The following RXFP1 variants were observed in gnomAD, a reference collection of about 807,000 sequenced individuals.
The protein encoded by RXFP1 is relaxin family peptide receptor 1.
A neutral mutation model predicts 89.8 loss-of-function variants in RXFP1; 73 were observed. The observed-to-expected ratio is 0.81, with a 90% CI of 0.67 to 0.99. The LOEUF is 0.99. Ranked by LOEUF, RXFP1 falls within the 50% of genes least tolerant of loss-of-function variation. The probability of loss-of-function intolerance (pLI) is 0.00; values close to 1 mark genes in which losing one functional copy is unlikely to be tolerated. For missense variants in RXFP1, 793 were observed against 895.5 expected, an observed-to-expected ratio of 0.89 and a Z score of 1.46; for synonymous variants, 277 against 305.5, an observed-to-expected ratio of 0.91 and a Z score of 0.97.
At chr4:158,556,060 A>G (rs1271690769) in intron 1 of RXFP1, among the ~76,000 whole-genome samples, 4 of 152,198 alleles carry the variant, frequency 2.6e-5, no homozygotes, top group African/African-American at 9.6e-5. Flanking sequence ...TACAGGCAAC[A>G]AAAGCAAAAA....
At position 158,651,965 on chromosome 4, in the gene RXFP1, G is replaced by A. The variant is rs1244257483; in HGVS notation, c.2184G>A (p.Met728Ile). The A allele has an allele frequency of 6.2e-7, 1 of 1,614,096 alleles. No individual in the cohort carries two copies. Among genetic ancestry groups the A allele is most frequent in the East Asian group, 2.2e-5 (1 of 44,884 alleles). Residue 728 changes from methionine (M) to isoleucine (I), a missense_variant, in exon 18 of 18, where the codon ATG becomes ATA. Met to Ile is a conservative substitution (Grantham distance 10). Coordinates refer to ENST00000307765, the MANE Select transcript of RXFP1 (RefSeq NM_021634.4). ...IWVEMWPLQE[M>I]PPELMKPDLF... ...TGGAAATGTGGCCACTGCAGGAGAT[G>A]CCACCTGAGTTAATGAAGCCGGACC...
At chr4:158,567,220 C>G (rs373711060) in intron 1 of RXFP1, among the ~76,000 whole-genome samples, 1 of 152,168 alleles carries the variant, frequency 6.6e-6, no homozygotes, top group East Asian at 1.9e-4. Context: ...GGAGCCTCCC[C>G]GACGACCATG....
chr4:158,651,654 T>C (rs1312604351), intron 17 of RXFP1, 103 bp from the exon 18 acceptor site: 14 of 858,080 alleles, frequency 1.6e-5, no homozygotes, highest in Non-Finnish European at 2.4e-5. Context: ...AGGAAAAAAA[T>C]CAAAACTCAA....
intron 9 of RXFP1, among the ~76,000 whole-genome samples, chr4:158,624,848 G>T (rs1227487616): frequency 1.3e-5 from 2 of 151,926 alleles, no homozygotes; most frequent in Non-Finnish European, 2.9e-5. Flanking sequence ...TAACACAGGA[G>T]GGGGGAAAAA....
intron 9 of RXFP1, among the ~76,000 whole-genome samples, chr4:158,622,510 G>A (rs1444106079): frequency 6.6e-6 from 1 of 152,102 alleles, no homozygotes; most frequent in Non-Finnish European, 1.5e-5. Context: ...AAATGTGGTA[G>A]ATATATACAA....
At chr4:158,602,745 T>A (rs1395343638) in intron 4 of RXFP1, among the ~76,000 whole-genome samples, 2 of 152,114 alleles carry the variant, frequency 1.3e-5, no homozygotes, top group Non-Finnish European at 2.9e-5. Context: ...AGATAATGAA[T>A]GAATGAATGA....
Position 158,544,877 on chromosome 4 carries a change from T to G in RXFP1, c.49+22852T>G, listed in dbSNP as rs548106513. The stretch of plus-strand genomic sequence containing the variant: ...GGACATTTGGGTTGATTCCAAGTCC[T>G]TGCTATTGTGAATAGTGCCGCAATA... On this transcript the variant is annotated intron_variant, in intron 1 of 17. Coordinates refer to ENST00000307765, the MANE Select transcript of RXFP1 (RefSeq NM_021634.4). Among the ~76,000 whole-genome samples the G allele has an allele frequency of 3.9e-5, 6 of 152,366 alleles. No homozygotes were observed. In the South Asian group the frequency reaches 1.0e-3, roughly 26 times the overall value.
chr4:158,608,106 A>G (rs1403537079), intron 6 of RXFP1, 63 bp downstream of exon 6: 3 of 1,080,786 alleles, frequency 2.8e-6, no homozygotes, highest in Admixed American at 2.0e-5. Flanking sequence ...GACTATTCCA[A>G]TCCAGACCAG....
At position 158,647,221 on chromosome 4, in the gene RXFP1, A is replaced by G. The variant is rs538008963; in HGVS notation, c.1756+20A>G. The G allele has an allele frequency of 1.3e-4, 191 of 1,523,642 alleles. 1 individual carries two copies. The highest frequency in any genetic ancestry group is 7.2e-4 in the Middle Eastern group (4 of 5,540). The allele number at this position is 1,523,642 out of a possible 1,614,324, so 94.4% of individuals were successfully genotyped here. A position where few individuals can be genotyped will look rare whatever the true frequency, so the allele number is the denominator to read the frequency against. On this transcript the variant is annotated intron_variant, in intron 16 of 17. Transcript: ENST00000307765. ...TTCTTGGTAAGAAACTAAGAAACTA[A>G]TGTTCACAAATTTTTATTTCAAATC...
At chr4:158,528,312 G>C (rs1415222860) in intron 1 of RXFP1, among the ~76,000 whole-genome samples, 1 of 151,024 alleles carries the variant, frequency 6.6e-6, no homozygotes, top group African/African-American at 2.4e-5. Context: ...CCAGCCTGGG[G>C]GGGCAACATG....
intron 17 of RXFP1, among the ~76,000 whole-genome samples, chr4:158,651,040 C>T (rs1458585406): frequency 2.0e-5 from 3 of 152,176 alleles, no homozygotes; most frequent in Non-Finnish European, 4.4e-5. Context: ...ACAAGGATCG[C>T]TTGGGCCCAG....
chr4:158,601,448 T>C (rs1482925916), intron 4 of RXFP1, among the ~76,000 whole-genome samples: 1 of 152,222 alleles, frequency 6.6e-6, no homozygotes, highest in African/African-American at 2.4e-5. Flanking sequence ...CATTTGGAGA[T>C]ATAGGAATAA....
At chr4:158,532,028 C>T (rs1221701412) in intron 1 of RXFP1, among the ~76,000 whole-genome samples, 1 of 152,054 alleles carries the variant, frequency 6.6e-6, no homozygotes, top group Non-Finnish European at 1.5e-5. Flanking sequence ...CTAATGATCC[C>T]GTCACCCAAG....
intron 2 of RXFP1, among the ~76,000 whole-genome samples, chr4:158,584,043 G>A (rs1311627251): frequency 6.6e-6 from 1 of 152,180 alleles, no homozygotes; most frequent in Admixed American, 6.5e-5. Context: ...CTCTGCTCTT[G>A]TGGGTAATAA....
chr4:158,613,062 A>G (rs1444247586), intron 8 of RXFP1, among the ~76,000 whole-genome samples: 1 of 152,244 alleles, frequency 6.6e-6, no homozygotes, highest in Non-Finnish European at 1.5e-5. Context: ...TAATAAAGTT[A>G]TGTTTACACT....
chr4:158,633,521 AT>A (rs1768524176), intron 12 of RXFP1, 45 bp downstream of exon 12: 2 of 1,230,570 alleles, frequency 1.6e-6, no homozygotes, highest in Non-Finnish European at 1.2e-6. Flanking sequence ...TTATTTTATT[AT>A]TTTTTAAATT....
intron 1 of RXFP1, chr4:158,544,388 G>A (rs939632224): frequency 1.2e-5 from 12 of 983,020 alleles, no homozygotes; most frequent in African/African-American, 7.0e-5. Flanking sequence ...CACCCAGAAT[G>A]GACATGGTCA....
chr4:158,635,689 T>G (rs1371109843), intron 12 of RXFP1, among the ~76,000 whole-genome samples: 1 of 152,156 alleles, frequency 6.6e-6, no homozygotes, highest in Non-Finnish European at 1.5e-5. Flanking sequence ...CTTTTATTTT[T>G]AGTTTGCTGA....
chr4:158,577,750 A>G (rs1424377615), intron 2 of RXFP1, among the ~76,000 whole-genome samples: 1 of 152,156 alleles, frequency 6.6e-6, no homozygotes, highest in Non-Finnish European at 1.5e-5. Context: ...ACACCAAATG[A>G]ATTAAACTGA....
Sources: gnomAD v4.1 joint callset for allele counts (sites outside exome capture counted in the v4.1 genomes callset) on GRCh38, gnomAD v4.1.1 for gene constraint, MANE v1.5 for transcripts, NCBI Gene and HGNC (gene_info 2026-07-23, HGNC 2026-07-21) for gene names.